The following LBP variants were observed in gnomAD, a reference collection of about 807,000 sequenced individuals.
LBP encodes lipopolysaccharide-binding protein.
LBP carries 53 observed loss-of-function variants against 56.6 expected under a neutral mutation model. That is an observed-to-expected ratio of 0.94 (90% CI 0.75 to 1.18). LBP has a LOEUF of 1.18. Ranked by LOEUF, LBP falls within the 50% of genes most tolerant of loss-of-function variation. The probability of loss-of-function intolerance (pLI) is 0.00; values close to 1 mark genes in which losing one functional copy is unlikely to be tolerated. For synonymous variants in LBP, 227 were observed against 247.5 expected, an observed-to-expected ratio of 0.92 and a Z score of 0.78; for missense variants, 601 against 598.3, an observed-to-expected ratio of 1.00 and a Z score of -0.05.
At position 38,375,804 on chromosome 20, in the gene LBP, T is replaced by C. The variant is rs1221119936; in HGVS notation, c.1402-821T>C. Among the ~76,000 whole-genome samples, 9 of 152,234 alleles carry C rather than the reference T, an allele frequency of 5.9e-5. No individual in the cohort carries two copies. In the East Asian group the frequency reaches 1.7e-3, roughly 29 times the overall value. Reference sequence around the variant, plus strand: ...GAGGGGGATGCTGCGCTGTGCCTGGTACATTGTTAACAACAGAAAATAATA... The same window carrying C: ...GAGGGGGATGCTGCGCTGTGCCTGGCACATTGTTAACAACAGAAAATAATA... On this transcript the variant is annotated intron_variant, in intron 14 of 14. Transcript: ENST00000217407.
chr20:38,366,696 T>C (rs1739639), intron 8 of LBP, 73 bp from the exon 9 acceptor site: 630,413 of 1,375,986 alleles, frequency 0.46, 150,470 homozygotes, highest in Non-Finnish European at 0.49. Context: ...CATCCCCCTG[T>C]CTCCCCAATC....
At position 38,354,353 on chromosome 20, in the gene LBP, C is replaced by T. The variant is rs1445057399; in HGVS notation, c.438C>T (p.Ser146=). 5 of 1,613,630 alleles carry T rather than the reference C, an allele frequency of 3.1e-6. No homozygotes were observed. Among genetic ancestry groups the T allele is most frequent in the East Asian group, 2.2e-5 (1 of 44,856 alleles). ...ISISVNLLLG[S]ESSGRPTVTA... is the part of the protein sequence containing the mutation. ...TTTCGGTCAACCTCCTGTTGGGCAGCGAGTCCTCCGGGAGGCCCACAGTTA... is the reference window on the plus strand; with the variant it reads ...TTTCGGTCAACCTCCTGTTGGGCAGTGAGTCCTCCGGGAGGCCCACAGTTA... Residue 146 remains serine, a synonymous_variant, in exon 4 of 15, where the codon AGC becomes AGT. Transcript: ENST00000217407.
intron 6 of LBP, among the ~76,000 whole-genome samples, chr20:38,361,951 T>C (rs1352438623): frequency 6.6e-6 from 1 of 152,120 alleles, no homozygotes; most frequent in Non-Finnish European, 1.5e-5. Context: ...AATCAGACAA[T>C]ATTTTGAGTC....
chr20:38,353,443 C>T (rs533385645), intron 3 of LBP, among the ~76,000 whole-genome samples: 9 of 144,106 alleles, frequency 6.2e-5, no homozygotes, highest in Admixed American at 4.9e-4. Context: ...ACAGCTTATT[C>T]AACCTGTCGC....
rs754371449 is a variant in LBP at position 38,357,492 on chromosome 20, C to T, written c.588+2083C>T. Reference sequence around the variant, plus strand: ...GGCTAAGGAGAAGAATAAGCACTCACGAATGCTTGCTCTCTGGGCGATATA... The same window carrying T: ...GGCTAAGGAGAAGAATAAGCACTCATGAATGCTTGCTCTCTGGGCGATATA... On this transcript the variant is annotated intron_variant, in intron 5 of 14. Transcript: ENST00000217407. Among the ~76,000 whole-genome samples the T allele has an allele frequency of 5.9e-5, 9 of 152,180 alleles. No individual in the cohort carries two copies. The East Asian group carries it at 1.3e-3, about 23-fold the overall frequency.
intron 2 of LBP, 67 bp from the exon 3 acceptor site, chr20:38,350,744 G>T (rs1204826822): frequency 4.6e-6 from 7 of 1,535,894 alleles, no homozygotes; most frequent in Non-Finnish European, 6.2e-6. Flanking sequence ...GAGGGGAGGC[G>T]CAAGGTCCCT....
chr20:38,348,290 G>A (rs981942376), intron 1 of LBP, among the ~76,000 whole-genome samples: 5 of 152,042 alleles, frequency 3.3e-5, no homozygotes, highest in African/African-American at 9.7e-5. Context: ...CCAGTCCTCT[G>A]AGGTTGGACA....
At chr20:38,372,105 G>A (rs11536987) in intron 12 of LBP, among the ~76,000 whole-genome samples, 6,430 of 152,304 alleles carry the variant, frequency 0.042, 204 homozygotes, top group South Asian at 0.13. Flanking sequence ...TGAAGTAGAC[G>A]GCCCCAAATA....
intron 7 of LBP, 60 bp downstream of exon 7, chr20:38,364,126 T>C (rs1440621733): frequency 2.7e-6 from 3 of 1,126,986 alleles, no homozygotes; most frequent in Non-Finnish European, 4.0e-6. Context: ...AGCCATTCTT[T>C]GGGCCACCTG....
chr20:38,369,189 T>C, intron 10 of LBP, 27 bp downstream of exon 10: 3 of 1,586,832 alleles, frequency 1.9e-6, no homozygotes, highest in Non-Finnish European at 2.6e-6. Flanking sequence ...TTGCAAATGC[T>C]GTTTCCTTTT....
chr20:38,348,391 C>A (rs1039342990), intron 1 of LBP, among the ~76,000 whole-genome samples: 41 of 151,918 alleles, frequency 2.7e-4, no homozygotes, highest in African/African-American at 9.4e-4. Flanking sequence ...CAGCTCACTG[C>A]AACCTCCGAC....
chr20:38,349,576 G>A lies in LBP; in HGVS notation c.153G>A (p.Gln51=). 1.2e-6 allele frequency: 2 copies of A among 1,610,622 alleles called. No homozygotes were observed. The highest frequency in any genetic ancestry group is 1.1e-5 in the South Asian group (1 of 90,154). The change falls in exon 2 of 15, where the codon CAG becomes CAA. Residue 51 remains glutamine, a synonymous_variant. Transcript: ENST00000217407. ...YAAQEGLLAL[Q]SELLRITLPD... ...CCCAGGAGGGGCTATTAGCTCTGCA[G>A]AGTGAGCTGCTCAGGATCACGCTGC... is the stretch of plus-strand genomic sequence containing the variant.
intron 5 of LBP, among the ~76,000 whole-genome samples, chr20:38,357,214 G>A (rs894319309): frequency 6.6e-6 from 1 of 152,206 alleles, no homozygotes; most frequent in African/African-American, 2.4e-5. Context: ...CATGGACAGA[G>A]GAGGCTGAGG....
At chr20:38,373,600 A>G (rs1463273452) in intron 13 of LBP, among the ~76,000 whole-genome samples, 2 of 152,216 alleles carry the variant, frequency 1.3e-5, no homozygotes, top group African/African-American at 2.4e-5. Context: ...GGCAAAGGGC[A>G]GGGAGTGGAA....
At chr20:38,368,362 G>A (rs991229426) in intron 9 of LBP, among the ~76,000 whole-genome samples, 2 of 152,304 alleles carry the variant, frequency 1.3e-5, no homozygotes, top group East Asian at 3.9e-4. Flanking sequence ...CACTTTGGGA[G>A]GCTGAGGCGG....
At chr20:38,373,557 T>A (rs1376925149) in intron 13 of LBP, among the ~76,000 whole-genome samples, 1 of 152,222 alleles carries the variant, frequency 6.6e-6, no homozygotes, top group Non-Finnish European at 1.5e-5. Context: ...CCATGAAGCT[T>A]TGCTTCTTTT....
chr20:38,354,807 G>A (rs1723276346), intron 4 of LBP, among the ~76,000 whole-genome samples: 1 of 152,074 alleles, frequency 6.6e-6, no homozygotes, highest in African/African-American at 2.4e-5. Context: ...GTGTGACCGG[G>A]TGTGGTGGCT....
Position 38,372,793 on chromosome 20 carries a change from A to T in LBP, c.1261-279A>T, listed in dbSNP as rs542678859. Among the ~76,000 whole-genome samples the T allele has an allele frequency of 3.2e-4, 49 of 152,290 alleles. No homozygotes were observed. In the South Asian group the frequency reaches 7.7e-3, roughly 24 times the overall value. On this transcript the variant is annotated intron_variant, in intron 12 of 14. Transcript: ENST00000217407. ...ATTATGTAGGTAGTTCAGGAAAAAC[A>T]TTCTCACTGTAAATAAAACCGATAC...
In LBP at chr20:38,360,785, T is replaced by C. The variant is rs2122609994; in HGVS notation, c.652+18T>C. ...TCTGCCAGGTAGGACACCCCATCCA[T>C]CCCGGGACACTTTTATTTCTGTTAA... On this transcript the variant is annotated intron_variant, in intron 6 of 14. Coordinates refer to ENST00000217407, the MANE Select transcript of LBP (RefSeq NM_004139.5). 2 of 1,575,102 alleles carry C rather than the reference T, an allele frequency of 1.3e-6. No homozygotes were observed. Among genetic ancestry groups the C allele is most frequent in the Non-Finnish European group, 1.7e-6 (2 of 1,145,154 alleles).
Sources: gnomAD v4.1 joint callset for allele counts (sites outside exome capture counted in the v4.1 genomes callset) on GRCh38, gnomAD v4.1.1 for gene constraint, MANE v1.5 for transcripts, NCBI Gene and HGNC (gene_info 2026-07-23, HGNC 2026-07-21) for gene names.